The following ZNF618 variants were observed in gnomAD, a reference collection of about 807,000 sequenced individuals.
ZNF618 encodes zinc finger protein 618.
ZNF618 carries 34 observed loss-of-function variants against 103.0 expected under a neutral mutation model. The ratio of observed to expected loss-of-function variants is 0.33; its 90% CI spans 0.25 to 0.44. ZNF618 has a LOEUF of 0.44. ZNF618 is among the 20% of genes least tolerant of loss of function. ZNF618 has a pLI of 1.00. For synonymous variants in ZNF618, 551 were observed against 542.2 expected (o/e 1.02, Z -0.23); for missense variants, 1,059 against 1,295.4 (o/e 0.82, Z 2.80).
chr9:113,966,269 G>A lies in ZNF618; in HGVS notation c.34-2848G>A, dbSNP rs953356245. On this transcript the variant is annotated intron_variant, in intron 1 of 14. Transcript: ENST00000374126. ...GCCATTTTGCAGAGGGAGAAATCGA[G>A]GCCTTGGAAATACGTGTGACTTGCT... Among the ~76,000 whole-genome samples, 9 of 152,168 alleles carry A rather than the reference G, an allele frequency of 5.9e-5. No homozygotes were observed. In the East Asian group the frequency reaches 1.7e-3, roughly 29 times the overall value.
intron 2 of ZNF618, among the ~76,000 whole-genome samples, chr9:113,985,523 G>A (rs1402806829): frequency 6.6e-6 from 1 of 151,160 alleles, no homozygotes; most frequent in Non-Finnish European, 1.5e-5. Context: ...GCTCCCCTCT[G>A]GGGGGCCAGG....
intron 1 of ZNF618, among the ~76,000 whole-genome samples, chr9:113,879,245 AAAT>A (rs1360871474): frequency 2.6e-5 from 4 of 152,064 alleles, no homozygotes; most frequent in African/African-American, 9.7e-5. Flanking sequence ...CAAGGAATAA[AAAT>A]ATTGCAGCAC....
chr9:114,028,845 G>T lies in ZNF618; in HGVS notation c.957G>T (p.Gln319His). The stretch of plus-strand genomic sequence containing the variant: ...TGGCAGCGAAGACCCAGACGAACCA[G>T]TCGGGGAAAAAAGCTCCGGCCTCCG... ...RFVAAKTQTN[Q>H]SGKKAPASVV... is the part of the protein sequence containing the mutation. Residue 319 changes from glutamine to histidine, a missense_variant, in exon 11 of 15, where the codon CAG (glutamine) becomes CAT (histidine). By Grantham distance (24) the Gln-to-His change is conservative (BLOSUM62 0). Coordinates refer to ENST00000374126, the MANE Select transcript of ZNF618 (RefSeq NM_001318042.2). 5 of 1,550,588 alleles carry T rather than the reference G, an allele frequency of 3.2e-6. No individual in the cohort carries two copies. The highest frequency in any genetic ancestry group is 4.4e-6 in the Non-Finnish European group (5 of 1,146,952).
chr9:113,926,730 C>T (rs1833129151), intron 1 of ZNF618, among the ~76,000 whole-genome samples: 2 of 152,126 alleles, frequency 1.3e-5, no homozygotes, highest in Admixed American at 1.3e-4. Context: ...TTTAAATTCC[C>T]AAATCTGCAC....
intron 2 of ZNF618, among the ~76,000 whole-genome samples, chr9:113,972,109 G>A (rs1838026522): frequency 1.3e-5 from 2 of 152,168 alleles, no homozygotes; most frequent in Non-Finnish European, 2.9e-5. Context: ...GTGCAGTGGT[G>A]CAATCTCTGC....
At chr9:113,937,057 T>C (rs1478161324) in intron 1 of ZNF618, among the ~76,000 whole-genome samples, 1 of 152,228 alleles carries the variant, frequency 6.6e-6, no homozygotes, top group Non-Finnish European at 1.5e-5. Flanking sequence ...TCAGATCTGT[T>C]TTATAATAAT....
chr9:113,955,042 G>C (rs1458181123), intron 1 of ZNF618, among the ~76,000 whole-genome samples: 1 of 152,106 alleles, frequency 6.6e-6, no homozygotes, highest in East Asian at 1.9e-4. Flanking sequence ...TGATATGCCT[G>C]GTTTTCTATC....
At chr9:113,987,625 C>A (rs962421744) in intron 2 of ZNF618, among the ~76,000 whole-genome samples, 1 of 152,204 alleles carries the variant, frequency 6.6e-6, no homozygotes, top group Non-Finnish European at 1.5e-5. Context: ...CATCAAAGCA[C>A]GAAACCCTTA....
intron 2 of ZNF618, among the ~76,000 whole-genome samples, chr9:113,976,598 C>T (rs538191092): frequency 1.3e-5 from 2 of 152,282 alleles, no homozygotes; most frequent in East Asian, 1.9e-4. Flanking sequence ...CTTGATCACT[C>T]CTGCCTGGCT....
intron 1 of ZNF618, among the ~76,000 whole-genome samples, chr9:113,959,316 AAAC>A (rs1836624602): frequency 6.6e-6 from 1 of 152,206 alleles, no homozygotes; most frequent in Non-Finnish European, 1.5e-5. Context: ...TAAAAAATAA[AAAC>A]AACACCTCAC....
intron 9 of ZNF618, chr9:114,016,004 C>T: frequency 9.4e-6 from 10 of 1,062,396 alleles, no homozygotes; most frequent in Non-Finnish European, 1.4e-5. Context: ...GGCACCCTCC[C>T]CCAAGGGGGT....
chr9:113,997,147 G>T (rs1421295276), intron 3 of ZNF618, among the ~76,000 whole-genome samples: 2 of 149,000 alleles, frequency 1.3e-5, no homozygotes, highest in Non-Finnish European at 3.0e-5. Flanking sequence ...TTACTCTGTT[G>T]CCCAGGCTGG....
Position 113,923,430 on chromosome 9 carries a change from T to C in ZNF618, c.34-45687T>C, listed in dbSNP as rs144750855. ...TAAATATGATGTTAGCTGTAGGTTT[T>C]TTGTAGATGTTCTTGATCAAGTTGA... is the stretch of plus-strand genomic sequence containing the variant. On this transcript the variant is annotated intron_variant, in intron 1 of 14. Coordinates refer to ENST00000374126, the MANE Select transcript of ZNF618 (RefSeq NM_001318042.2). Among the ~76,000 whole-genome samples the C allele has an allele frequency of 3.4e-3, 518 of 152,294 alleles. 3 individuals carry two copies. Among genetic ancestry groups the C allele is most frequent in the African/African-American group, 0.012 (494 of 41,572 alleles).
intron 6 of ZNF618, among the ~76,000 whole-genome samples, chr9:114,003,277 G>A (rs1179451099): frequency 1.3e-5 from 2 of 152,228 alleles, no homozygotes; most frequent in East Asian, 3.8e-4. Context: ...GGCCCCAAGC[G>A]CCTGGTAAGT....
At chr9:113,997,909 A>G (rs1301999209) in intron 3 of ZNF618, among the ~76,000 whole-genome samples, 2 of 152,220 alleles carry the variant, frequency 1.3e-5, no homozygotes, top group African/African-American at 4.8e-5. Flanking sequence ...GCCACAGGCC[A>G]GGGGGATGCA....
chr9:113,968,292 C>T (rs1315497765), intron 1 of ZNF618, among the ~76,000 whole-genome samples: 2 of 152,212 alleles, frequency 1.3e-5, no homozygotes, highest in Admixed American at 1.3e-4. Flanking sequence ...CGGTACATTA[C>T]CTTTCTAAAA....
chr9:114,031,418 CAG>C (rs577683342), intron 11 of ZNF618, among the ~76,000 whole-genome samples: 7 of 152,280 alleles, frequency 4.6e-5, no homozygotes, highest in Non-Finnish European at 7.4e-5. Context: ...AGTGGGATGA[CAG>C]GGGTCGGGGG....
intron 1 of ZNF618, among the ~76,000 whole-genome samples, chr9:113,895,913 G>T (rs1426202608): frequency 6.6e-6 from 1 of 151,918 alleles, no homozygotes; most frequent in Non-Finnish European, 1.5e-5. Context: ...TTTCATGCCC[G>T]TTTTGACCAT....
At chr9:113,946,628 G>A (rs1183142798) in intron 1 of ZNF618, among the ~76,000 whole-genome samples, 2 of 152,168 alleles carry the variant, frequency 1.3e-5, no homozygotes, top group East Asian at 3.9e-4. Context: ...GGGGCAAGCT[G>A]CGATGTTAAT....
Sources: gnomAD v4.1 joint callset for allele counts (sites outside exome capture counted in the v4.1 genomes callset) on GRCh38, gnomAD v4.1.1 for gene constraint, MANE v1.5 for transcripts, NCBI Gene and HGNC (gene_info 2026-07-23, HGNC 2026-07-21) for gene names.